The following SHROOM3 variants were observed in gnomAD, a reference collection of about 807,000 sequenced individuals.
SHROOM3 encodes shroom family member 3.
SHROOM3 carries 47 observed loss-of-function variants against 138.6 expected under a neutral mutation model. The observed-to-expected ratio is 0.34, with a 90% CI of 0.27 to 0.43. The LOEUF is 0.43. Among genes scored for constraint, SHROOM3 ranks in the 20% least tolerant of loss-of-function variants. SHROOM3 has a pLI of 1.00. For missense variants in SHROOM3, 2,491 were observed against 2,596.5 expected (o/e 0.96, Z 0.88); for synonymous variants, 1,062 against 1,063.3 (o/e 1.00, Z 0.02).
At chr4:76,583,136 C>T (rs1211070334) in intron 2 of SHROOM3, among the ~76,000 whole-genome samples, 1 of 152,118 alleles carries the variant, frequency 6.6e-6, no homozygotes, top group Non-Finnish European at 1.5e-5. Context: ...GCAGGTCTTA[C>T]CTGGGCTGGG....
At chr4:76,607,798 T>G (rs915786812) in intron 2 of SHROOM3, among the ~76,000 whole-genome samples, 1 of 152,190 alleles carries the variant, frequency 6.6e-6, no homozygotes, top group East Asian at 1.9e-4. Context: ...TTTTTACCCA[T>G]AGGGCATAGT....
chr4:76,744,570 A>T (rs1483286933), intron 5 of SHROOM3, among the ~76,000 whole-genome samples: 1 of 152,228 alleles, frequency 6.6e-6, no homozygotes, highest in Non-Finnish European at 1.5e-5. Context: ...CCACATAACT[A>T]TTGTGGTTAT....
intron 1 of SHROOM3, among the ~76,000 whole-genome samples, chr4:76,488,176 T>C (rs1331371416): frequency 6.6e-6 from 1 of 152,074 alleles, no homozygotes; most frequent in Non-Finnish European, 1.5e-5. Flanking sequence ...TAAATTATAA[T>C]TTGTTTTTTT....
intron 2 of SHROOM3, among the ~76,000 whole-genome samples, chr4:76,632,807 A>C (rs1045393087): frequency 4.6e-5 from 7 of 152,176 alleles, no homozygotes; most frequent in Non-Finnish European, 1.0e-4. Flanking sequence ...GGGGGGATTA[A>C]GTTTTCATGG....
rs1735780793 is a variant in SHROOM3 at position 76,644,952 on chromosome 4, T to C, written c.324-65204T>C. Among the ~76,000 whole-genome samples the C allele has an allele frequency of 2.0e-5, 3 of 152,214 alleles. No homozygotes were observed. The South Asian group carries it at 6.2e-4, about 32-fold the overall frequency. On this transcript the variant is annotated intron_variant, in intron 2 of 10. Transcript: ENST00000296043. ...TTATGTAGTACTTATGTAGCACTTA[T>C]GAGCCAGCAACTATTCCTAGCTCCA...
At chr4:76,473,880 G>A (rs936252493) in intron 1 of SHROOM3, among the ~76,000 whole-genome samples, 2 of 152,146 alleles carry the variant, frequency 1.3e-5, no homozygotes, top group South Asian at 2.1e-4. Context: ...ATGTAAAATG[G>A]TATAGTTGCT....
chr4:76,628,772 C>A (rs1015787003), intron 2 of SHROOM3: 2 of 151,526 alleles, frequency 1.3e-5, no homozygotes, highest in African/African-American at 4.8e-5. Context: ...AAATAATATT[C>A]AAAGATTAGT....
At chr4:76,547,195 A>C (rs1192744471) in intron 1 of SHROOM3, among the ~76,000 whole-genome samples, 1 of 152,216 alleles carries the variant, frequency 6.6e-6, no homozygotes, top group Non-Finnish European at 1.5e-5. Context: ...AGGATTAGGC[A>C]GGACAAGTGA....
chr4:76,606,477 G>C (rs1035734262), intron 2 of SHROOM3, among the ~76,000 whole-genome samples: 1 of 151,992 alleles, frequency 6.6e-6, no homozygotes, highest in Non-Finnish European at 1.5e-5. Context: ...TGGGAGGCGG[G>C]TGGATCATTT....
chr4:76,610,320 A>G (rs148731724), intron 2 of SHROOM3, among the ~76,000 whole-genome samples: 1 of 152,348 alleles, frequency 6.6e-6, no homozygotes, highest in African/African-American at 2.4e-5. Context: ...TTTGTTTAGC[A>G]AAATCACAGC....
chr4:76,584,133 G>A (rs1195796908), intron 2 of SHROOM3, among the ~76,000 whole-genome samples: 2 of 151,940 alleles, frequency 1.3e-5, no homozygotes, highest in East Asian at 1.9e-4. Flanking sequence ...TGGCCAACAC[G>A]GTGAAACCCC....
At chr4:76,724,262 T>G (rs1418376989) in intron 3 of SHROOM3, among the ~76,000 whole-genome samples, 1 of 152,224 alleles carries the variant, frequency 6.6e-6, no homozygotes, top group Admixed American at 6.5e-5. Flanking sequence ...AACCATCTTC[T>G]GACTTACTGA....
At chr4:76,734,108 C>T (rs115814040) in intron 4 of SHROOM3, among the ~76,000 whole-genome samples, 376 of 152,196 alleles carry the variant, frequency 2.5e-3, no homozygotes, top group African/African-American at 8.5e-3. Context: ...TATGAGCATC[C>T]ACTATGTCTC....
At chr4:76,455,324 A>G (rs1439166692) in intron 1 of SHROOM3, among the ~76,000 whole-genome samples, 1 of 152,102 alleles carries the variant, frequency 6.6e-6, no homozygotes, top group Non-Finnish European at 1.5e-5. Context: ...AAATCTATGA[A>G]AGTATCAAAA....
intron 6 of SHROOM3, among the ~76,000 whole-genome samples, chr4:76,751,319 T>C (rs923109990): frequency 2.0e-5 from 3 of 152,210 alleles, no homozygotes; most frequent in Non-Finnish European, 4.4e-5. Context: ...GAATGCCTAT[T>C]AGGATCAGTC....
At chr4:76,653,966 A>T (rs1464188218) in intron 2 of SHROOM3, among the ~76,000 whole-genome samples, 2 of 152,176 alleles carry the variant, frequency 1.3e-5, no homozygotes, top group Non-Finnish European at 2.9e-5. Flanking sequence ...CCTTAAATAG[A>T]AGACTCTAGT....
At chr4:76,701,812 G>A (rs1319620996) in intron 2 of SHROOM3, among the ~76,000 whole-genome samples, 1 of 152,156 alleles carries the variant, frequency 6.6e-6, no homozygotes, top group Non-Finnish European at 1.5e-5. Context: ...CAACTAGTGT[G>A]GAGTCTTTCT....
intron 1 of SHROOM3, among the ~76,000 whole-genome samples, chr4:76,497,655 C>T (rs1023442531): frequency 2.6e-5 from 4 of 151,978 alleles, no homozygotes; most frequent in Non-Finnish European, 2.9e-5. Flanking sequence ...GTCAGGAATT[C>T]GAGACCAGCC....
intron 1 of SHROOM3, among the ~76,000 whole-genome samples, chr4:76,544,378 C>A (rs907846764): frequency 6.9e-6 from 1 of 145,590 alleles, no homozygotes; most frequent in Admixed American, 6.8e-5. Context: ...GTCCCACTTT[C>A]CTCAAAAAAT....
Sources: gnomAD v4.1 joint callset for allele counts (sites outside exome capture counted in the v4.1 genomes callset) on GRCh38, gnomAD v4.1.1 for gene constraint, MANE v1.5 for transcripts, NCBI Gene and HGNC (gene_info 2026-07-23, HGNC 2026-07-21) for gene names.